Variants in PPM1A observed in about 807,000 individuals in gnomAD.
The protein encoded by PPM1A is protein phosphatase, Mg2+/Mn2+ dependent 1A.
Under a neutral mutation model 35.0 loss-of-function variants are expected in PPM1A, and 7 were observed. The observed-to-expected ratio is 0.20, with a 90% confidence interval of 0.11 to 0.38. The LOEUF (loss-of-function observed/expected upper bound fraction) is 0.38. Ranked by LOEUF, PPM1A falls within the 10% of genes least tolerant of loss-of-function variation. The probability of loss-of-function intolerance (pLI) is 1.00; values close to 1 mark genes in which losing one functional copy is unlikely to be tolerated. For synonymous variants in PPM1A, 153 were observed against 167.3 expected (o/e 0.91, Z 0.66); for missense variants, 239 against 467.8 (o/e 0.51, Z 4.51).
At chr14:60,261,345 A>G (rs1883722513) in intron 1 of PPM1A, among the ~76,000 whole-genome samples, 1 of 152,214 alleles carries the variant, frequency 6.6e-6, no homozygotes, top group Non-Finnish European at 1.5e-5. Context: ...AATAAAAGGC[A>G]AAGATGTTAT....
Position 60,283,578 on chromosome 14 carries a change from C to A in PPM1A, c.834+41C>A. 6.5e-7 allele frequency: 1 copy of A among 1,538,956 alleles called. No individual in the cohort carries two copies. The highest frequency in any genetic ancestry group is 1.3e-5 in the South Asian group (1 of 78,888). ...TTAAAAACATAAAATGATTTTATGC[C>A]ATATTAATCACTACTCTAGTATTTA... On this transcript the variant is annotated intron_variant, in intron 2 of 5. Coordinates refer to ENST00000395076, the MANE Select transcript of PPM1A (RefSeq NM_021003.5). This position sits in a 1 kb window ranked among gnomAD's most constrained non-coding sequence, Gnocchi z 6.3.
intron 2 of PPM1A, 100 bp from the exon 3 acceptor site, chr14:60,285,524 C>G (rs1180858013): frequency 1.6e-6 from 2 of 1,262,200 alleles, no homozygotes; most frequent in Non-Finnish European, 2.2e-6. Flanking sequence ...AACATTTTCA[C>G]TAGAACAAGT....
chr14:60,279,102 G>C (rs189390234), intron 1 of PPM1A, among the ~76,000 whole-genome samples: 140 of 152,182 alleles, frequency 9.2e-4, no homozygotes, highest in Middle Eastern at 3.4e-3. Context: ...TTATCACCTG[G>C]GATGCACTCT....
At chr14:60,286,830 G>C (rs941948205) in intron 3 of PPM1A, 1 of 982,612 alleles carries the variant, frequency 1.0e-6, no homozygotes, top group Non-Finnish European at 1.2e-6. Flanking sequence ...GTATGTGTTT[G>C]TACTATTTAG....
intron 1 of PPM1A, among the ~76,000 whole-genome samples, chr14:60,272,963 C>G (rs986792847): frequency 6.6e-6 from 1 of 151,582 alleles, no homozygotes; most frequent in African/African-American, 2.4e-5. Flanking sequence ...CCTTGCATTT[C>G]TATAGTTGTG....
intron 1 of PPM1A, chr14:60,268,243 T>C: frequency 1.0e-6 from 1 of 958,372 alleles, no homozygotes; most frequent in African/African-American, 1.8e-5. Flanking sequence ...TCATGAGCTC[T>C]GAAGTTTTTT....
Position 60,289,869 on chromosome 14 carries a change from G to A in PPM1A, c.1016G>A (p.Ser339Asn). ...GTCCATGTGATGCGCACATTAGCGAGTGAGAACATCCCCAGCCTCCCACCA... is the reference window on the plus strand; with the variant it reads ...GTCCATGTGATGCGCACATTAGCGAATGAGAACATCCCCAGCCTCCCACCA... The part of the protein sequence containing the change: ...DLVHVMRTLA[S>N]ENIPSLPPGG... The change falls in exon 4 of 6, where the codon AGT becomes AAT. Residue 339 changes from serine (S) to asparagine (N), a missense_variant. Physicochemically the swap from Ser to Asn is conservative, Grantham distance 46. Transcript: ENST00000395076. This position sits in a 1 kb window ranked among gnomAD's most constrained non-coding sequence, Gnocchi z 4.1. 6.3e-7 allele frequency: 1 copy of A among 1,594,390 alleles called. No individual in the cohort carries two copies. Among genetic ancestry groups the A allele is most frequent in the Non-Finnish European group, 8.5e-7 (1 of 1,174,344 alleles).
intron 1 of PPM1A, among the ~76,000 whole-genome samples, chr14:60,258,549 G>A (rs1883395047): frequency 6.6e-6 from 1 of 152,050 alleles, no homozygotes; most frequent in South Asian, 2.1e-4. Flanking sequence ...AGTCATTGAT[G>A]AACAGTAATC....
At chr14:60,287,314 C>G in intron 3 of PPM1A, 1 of 983,804 alleles carries the variant, frequency 1.0e-6, no homozygotes, top group Non-Finnish European at 1.2e-6. Context: ...TACATTGATA[C>G]TCAATATTTT....
chr14:60,262,329 A>G (rs6573300), intron 1 of PPM1A, among the ~76,000 whole-genome samples: 49,580 of 152,040 alleles, frequency 0.33, 8,394 homozygotes, highest in South Asian at 0.44. Flanking sequence ...GTATTTAAAC[A>G]TAGAAGTCTG....
chr14:60,251,489 G>T (rs1165569567), intron 1 of PPM1A, among the ~76,000 whole-genome samples: 2 of 152,204 alleles, frequency 1.3e-5, no homozygotes, highest in African/African-American at 4.8e-5. Flanking sequence ...AGTCATGGCT[G>T]TGCTCCAAAA....
intron 1 of PPM1A, among the ~76,000 whole-genome samples, chr14:60,271,017 A>G (rs574602767): frequency 6.6e-6 from 1 of 152,382 alleles, no homozygotes; most frequent in East Asian, 1.9e-4. Flanking sequence ...CACAAGTTCA[A>G]TATCATTTTC....
intron 1 of PPM1A, among the ~76,000 whole-genome samples, chr14:60,267,836 G>A (rs2139423711): frequency 1.3e-5 from 2 of 152,028 alleles, no homozygotes; most frequent in South Asian, 4.1e-4. Context: ...GTGCATATAT[G>A]TATTCATATT....
At position 60,282,596 on chromosome 14, in the gene PPM1A, A is replaced by G. The variant is rs1255228280; in HGVS notation, c.-20-88A>G. 1.4e-6 allele frequency: 2 copies of G among 1,475,424 alleles called. No homozygotes were observed. The highest frequency in any genetic ancestry group is 2.2e-5 in the Admixed American group (1 of 46,246). 91.4% of individuals were successfully genotyped at this position (1,475,424 alleles called of 1,614,324 possible). A position where few individuals can be genotyped will look rare whatever the true frequency, so the allele number is the denominator to read the frequency against. On this transcript the variant is annotated intron_variant, in intron 1 of 5. Transcript: ENST00000395076. This position sits in a 1 kb window ranked among gnomAD's most constrained non-coding sequence, Gnocchi z 5.1. ...CTTATCGCGAGTTGTGAATTCCCGC[A>G]TATCTCTTTCACTTATTAAAAAGAT...
Position 60,249,321 on chromosome 14 carries a change from C to G in PPM1A, c.-377C>G, listed in dbSNP as rs1461247637. ...CTCGTCCGGCCCGCAGCTTCGGGTC[C>G]TCAGGCGGCTGTTGCTCCGGAACGG... On this transcript the variant is annotated 5_prime_UTR_variant, in exon 1 of 6. Coordinates refer to ENST00000395076, the MANE Select transcript of PPM1A (RefSeq NM_021003.5). This position sits in a 1 kb window ranked among gnomAD's most constrained non-coding sequence, Gnocchi z 4.5. The G allele has an allele frequency of 1.0e-6, 1 of 965,232 alleles. No individual in the cohort carries two copies. The highest frequency in any genetic ancestry group is 1.2e-6 in the Non-Finnish European group (1 of 824,506). The allele number at this position is 965,232 out of a possible 1,614,324, so 59.8% of individuals were successfully genotyped here. A position where few individuals can be genotyped will look rare whatever the true frequency, so the allele number is the denominator to read the frequency against.
At chr14:60,249,104 C>A (rs1881996451), upstream of PPM1A, 1 of 499,612 alleles carries the variant, frequency 2.0e-6, no homozygotes. The surrounding 1 kb of genome is among the most constrained non-coding windows in gnomAD (Gnocchi z 4.5). Context: ...ACATCCGGGT[C>A]TCTGTAGCTG....
intron 1 of PPM1A, among the ~76,000 whole-genome samples, chr14:60,278,900 A>G (rs1886065761): frequency 6.6e-6 from 1 of 152,214 alleles, no homozygotes; most frequent in Admixed American, 6.5e-5. Context: ...GTTATTTCCA[A>G]CATTGACTAT....
At chr14:60,269,638 T>A (rs1347930346) in intron 1 of PPM1A, among the ~76,000 whole-genome samples, 2 of 152,194 alleles carry the variant, frequency 1.3e-5, no homozygotes, top group East Asian at 3.8e-4. Flanking sequence ...AGCCTCCGCC[T>A]CCTGGGTTCA....
Position 60,298,830 on chromosome 14 carries a change from C to T in PPM1A, c.*6348C>T, listed in dbSNP as rs1255239463. On this transcript the variant is annotated 3_prime_UTR_variant, in exon 6 of 6. Transcript: ENST00000395076. ...TGTGTAACAAAATTCTCCGTAGCAA[C>T]TCACCCACTTTGCAGTTTATGTGAT... 1.3e-5 allele frequency: 2 copies of T among 151,726 alleles called. No individual in the cohort carries two copies. Among genetic ancestry groups the T allele is most frequent in the African/African-American group, 4.8e-5 (2 of 41,382 alleles). The allele number at this position is 151,726 out of a possible 1,614,324, so 9.4% of individuals were successfully genotyped here. A position where few individuals can be genotyped will look rare whatever the true frequency, so the allele number is the denominator to read the frequency against.
Sources: gnomAD v4.1 joint callset for allele counts (sites outside exome capture counted in the v4.1 genomes callset) on GRCh38, gnomAD v4.1.1 for gene constraint, Gnocchi (gnomAD v3.1) non-coding constraint, MANE v1.5 for transcripts, NCBI Gene and HGNC (gene_info 2026-07-23, HGNC 2026-07-21) for gene names.